NEK1: variants seen among roughly 807,000 people sequenced by gnomAD.
NEK1 encodes the protein serine/threonine-protein kinase Nek1.
NEK1 carries 137 observed loss-of-function variants against 182.1 expected under a neutral mutation model. The observed-to-expected ratio is 0.75, with a 90% CI of 0.65 to 0.87. The LOEUF (loss-of-function observed/expected upper bound fraction) is 0.87, where lower values mean the gene tolerates loss of function less well. Among genes scored for constraint, NEK1 ranks in the 40% least tolerant of loss-of-function variants. The pLI is 0.00. For missense variants in NEK1, 1,391 were observed against 1,494.4 expected (o/e 0.93, Z 1.14); for synonymous variants, 513 against 492.2 (o/e 1.04, Z -0.56).
intron 23 of NEK1, among the ~76,000 whole-genome samples, chr4:169,487,551 T>G (rs147574480): frequency 6.6e-6 from 1 of 152,354 alleles, no homozygotes; most frequent in Non-Finnish European, 1.5e-5. Flanking sequence ...GTTTTCTTTA[T>G]CCAGTCTATC....
At position 169,602,179 on chromosome 4, in the gene NEK1, G is replaced by A. The variant is rs1770612650; in HGVS notation, c.118-75C>T. On this transcript the variant is annotated intron_variant, in intron 3 of 35. Transcript: ENST00000507142. The stretch of plus-strand genomic sequence containing the variant: ...CCTAAAAGTCCATCAATAGGTGAGT[G>A]GTTAAAACATAATAGTATTAATACA... 6 of 996,000 alleles carry A rather than the reference G, an allele frequency of 6.0e-6. No homozygotes were observed. In the South Asian group the frequency reaches 6.4e-5, roughly 11 times the overall value. The allele number at this position is 996,000 out of a possible 1,614,324, so 61.7% of individuals were successfully genotyped here.
chr4:169,547,711 T>A (rs955266081), intron 18 of NEK1, among the ~76,000 whole-genome samples: 5 of 152,224 alleles, frequency 3.3e-5, no homozygotes, highest in Non-Finnish European at 2.9e-5. Context: ...CTCGCTTTAT[T>A]TCATTGAGTT....
rs767790216 is a variant in NEK1, at chr4:169,577,034, G to A, written c.914C>T (p.Ala305Val). 5.6e-6 allele frequency: 9 copies of A among 1,613,430 alleles called. No individual in the cohort carries two copies. Among genetic ancestry groups the A allele is most frequent in the Admixed American group, 1.7e-5 (1 of 59,994 alleles). The change falls in exon 12 of 36, where the codon GCT becomes GTT. Residue 305 changes from alanine to valine, a missense_variant. By Grantham distance (64) the Ala-to-Val change is moderately conservative. This residue lies in a region of NEK1 where 1,216 missense variants were observed against 1,277.6 expected (regional missense o/e 0.95). Transcript: ENST00000507142. ...AGCGGCAGGCTTTGTAATTTTCTGA[G>A]CAGGCATAACAGAAATCGAGTTTTG... ...SGQNSISVMPAQKITKPAAKY... is the reference protein window; with the variant it reads ...SGQNSISVMPVQKITKPAAKY...
chr4:169,563,090 T>C (rs905206088), intron 12 of NEK1, among the ~76,000 whole-genome samples: 1 of 152,192 alleles, frequency 6.6e-6, no homozygotes, highest in Non-Finnish European at 1.5e-5. Flanking sequence ...ACTGATGTGG[T>C]AGCTCACACC....
intron 28 of NEK1, among the ~76,000 whole-genome samples, chr4:169,435,205 C>T (rs1279999057): frequency 6.6e-6 from 1 of 152,036 alleles, no homozygotes; most frequent in Non-Finnish European, 1.5e-5. Flanking sequence ...TCCTGTTTTG[C>T]AGATAACCTT....
intron 12 of NEK1, among the ~76,000 whole-genome samples, chr4:169,573,840 G>A (rs1374604696): frequency 6.6e-6 from 1 of 152,142 alleles, no homozygotes; most frequent in African/African-American, 2.4e-5. Context: ...GTTAAAGTGG[G>A]AGACAAGATA....
Position 169,453,633 on chromosome 4 carries a change from G to A in NEK1, c.2587+9610C>T, listed in dbSNP as rs546973705. On this transcript the variant is annotated intron_variant, in intron 27 of 35. Transcript: ENST00000507142. ...TTAAGCCACAAACAATAGCATGAGC[G>A]ATCTGTGCTTTAAGGACATGCTCCT... is the stretch of plus-strand genomic sequence containing the variant. Among the ~76,000 whole-genome samples the A allele has an allele frequency of 9.8e-5, 15 of 152,330 alleles. No homozygotes were observed. In the South Asian group the frequency reaches 2.7e-3, roughly 27 times the overall value.
intron 27 of NEK1, among the ~76,000 whole-genome samples, chr4:169,447,363 G>T (rs1740774789): frequency 6.6e-6 from 1 of 152,058 alleles, no homozygotes; most frequent in Non-Finnish European, 1.5e-5. Context: ...ACAAACAAAA[G>T]CTGAGGGATT....
chr4:169,608,624 A>G (rs1291128435), intron 2 of NEK1, among the ~76,000 whole-genome samples: 2 of 152,230 alleles, frequency 1.3e-5, no homozygotes, highest in Non-Finnish European at 2.9e-5. Context: ...AACAAATAAA[A>G]AACTCGTACA....
At chr4:169,572,199 A>G (rs1185498630) in intron 12 of NEK1, among the ~76,000 whole-genome samples, 1 of 152,190 alleles carries the variant, frequency 6.6e-6, no homozygotes, top group African/African-American at 2.4e-5. Flanking sequence ...TAATCATGAG[A>G]TTATTATAAC....
At chr4:169,490,547 T>C (rs1749872906) in intron 23 of NEK1, among the ~76,000 whole-genome samples, 1 of 152,022 alleles carries the variant, frequency 6.6e-6, no homozygotes, top group Non-Finnish European at 1.5e-5. Flanking sequence ...AACTCAGGGA[T>C]ATACAAGAGG....
chr4:169,589,207 T>C (rs1768023261), intron 7 of NEK1, among the ~76,000 whole-genome samples: 1 of 152,190 alleles, frequency 6.6e-6, no homozygotes, highest in Non-Finnish European at 1.5e-5. Context: ...AACAATAGGC[T>C]ACACCATACA....
chr4:169,398,857 T>C (rs1397016967), intron 35 of NEK1, among the ~76,000 whole-genome samples: 3 of 152,234 alleles, frequency 2.0e-5, no homozygotes, highest in Non-Finnish European at 2.9e-5. Context: ...CCCTCAATTT[T>C]AGTCTATGAA....
At chr4:169,610,423 C>T (rs1282988289) in intron 2 of NEK1, among the ~76,000 whole-genome samples, 1 of 152,038 alleles carries the variant, frequency 6.6e-6, no homozygotes, top group Non-Finnish European at 1.5e-5. Context: ...AAGCAATTAT[C>T]CTGTGTTAGC....
rs943901898 is a variant in NEK1 at position 169,496,213 on chromosome 4, T to C, written c.2007+10824A>G. 5.9e-5 allele frequency among the ~76,000 whole-genome samples: 9 copies of C among 152,196 alleles called. No individual in the cohort carries two copies. The East Asian group carries it at 7.7e-4, about 13-fold the overall frequency. ...GATTTGGCTCTCTGTTTGTCTGTTATTGGTGTATAAGACTGCTTGTGATTT... is the reference window on the plus strand; with the variant it reads ...GATTTGGCTCTCTGTTTGTCTGTTACTGGTGTATAAGACTGCTTGTGATTT... On this transcript the variant is annotated intron_variant, in intron 23 of 35. Coordinates refer to ENST00000507142, the MANE Select transcript of NEK1 (RefSeq NM_001199397.3).
At chr4:169,563,450 G>C (rs887336598) in intron 12 of NEK1, among the ~76,000 whole-genome samples, 1 of 151,254 alleles carries the variant, frequency 6.6e-6, no homozygotes, top group African/African-American at 2.4e-5. Context: ...TTTACATGTT[G>C]CCCTTCCATC....
intron 32 of NEK1, among the ~76,000 whole-genome samples, chr4:169,404,451 G>A (rs1335686477): frequency 6.6e-6 from 1 of 152,146 alleles, no homozygotes; most frequent in Non-Finnish European, 1.5e-5. Flanking sequence ...AAATGTGCCA[G>A]CGGCATCGAT....
At chr4:169,579,535 A>G (rs1766252086) in intron 11 of NEK1, among the ~76,000 whole-genome samples, 1 of 152,134 alleles carries the variant, frequency 6.6e-6, no homozygotes, top group Non-Finnish European at 1.5e-5. Context: ...TCATGCCTGT[A>G]ATCCCAGCAC....
At chr4:169,550,118 G>T (rs1761190640) in intron 18 of NEK1, among the ~76,000 whole-genome samples, 1 of 152,166 alleles carries the variant, frequency 6.6e-6, no homozygotes, top group East Asian at 1.9e-4. Flanking sequence ...GGACCTGGTG[G>T]GAGGTAACTG....
Sources: allele counts gnomAD v4.1 joint callset (sites outside exome capture counted in the v4.1 genomes callset), GRCh38; gene constraint gnomAD v4.1.1; regional missense constraint gnomAD v4.1.1; transcripts MANE v1.5; gene names NCBI Gene and HGNC (gene_info 2026-07-23, HGNC 2026-07-21).